The following DIP2C variants were observed in gnomAD, a reference collection of about 807,000 sequenced individuals.
DIP2C encodes DIP2 acetate--CoA ligase C (putative).
DIP2C carries 33 observed loss-of-function variants against 192.4 expected under a neutral mutation model. The ratio of observed to expected loss-of-function variants is 0.17; its 90% CI spans 0.13 to 0.23. The LOEUF (loss-of-function observed/expected upper bound fraction) is 0.23, where lower values mean the gene tolerates loss of function less well. DIP2C is among the 10% of genes least tolerant of loss of function. The probability of loss-of-function intolerance (pLI) is 1.00; values close to 1 mark genes in which losing one functional copy is unlikely to be tolerated. For missense variants in DIP2C, 1,537 were observed against 2,110.1 expected, an observed-to-expected ratio of 0.73 and a Z score of 5.32; for synonymous variants, 979 against 864.1, an observed-to-expected ratio of 1.13 and a Z score of -2.33.
chr10:581,616 T>C (rs1253094746), intron 1 of DIP2C, among the ~76,000 whole-genome samples: 2 of 152,112 alleles, frequency 1.3e-5, no homozygotes, highest in African/African-American at 2.4e-5. Flanking sequence ...ATGGGTTCCA[T>C]TACCCTCTGA....
In DIP2C at chr10:374,675, A is replaced by C. The variant is rs895568729; in HGVS notation, c.1992-5042T>G. Among the ~76,000 whole-genome samples, 6 of 152,300 alleles carry C rather than the reference A, an allele frequency of 3.9e-5. No homozygotes were observed. The East Asian group carries it at 1.2e-3, about 29-fold the overall frequency. On this transcript the variant is annotated intron_variant, in intron 17 of 36. Coordinates refer to ENST00000280886, the MANE Select transcript of DIP2C (RefSeq NM_014974.3). Reference sequence around the variant, plus strand: ...TTCCCAATTTGTTCAGTAAAACACCATTTGTTGGTCCAATTTGTGTTCCCT... The same window carrying C: ...TTCCCAATTTGTTCAGTAAAACACCCTTTGTTGGTCCAATTTGTGTTCCCT...
intron 1 of DIP2C, among the ~76,000 whole-genome samples, chr10:613,046 C>G (rs751909728): frequency 1.2e-4 from 19 of 152,176 alleles, no homozygotes; most frequent in Non-Finnish European, 1.9e-4. Flanking sequence ...ATCCCACACC[C>G]AGGAAGAGGT....
chr10:583,480 T>C (rs1850792254), intron 1 of DIP2C, among the ~76,000 whole-genome samples: 1 of 152,242 alleles, frequency 6.6e-6, no homozygotes, highest in Non-Finnish European at 1.5e-5. Context: ...TAGTGAACTT[T>C]CAATGTTCAG....
At chr10:581,915 GGAC>G (rs1444712906) in intron 1 of DIP2C, among the ~76,000 whole-genome samples, 6 of 152,076 alleles carry the variant, frequency 3.9e-5, no homozygotes, top group African/African-American at 1.2e-4. Flanking sequence ...GGGTTTACGT[GGAC>G]GACAATTTTT....
intron 1 of DIP2C, among the ~76,000 whole-genome samples, chr10:544,812 ATTC>A (rs1370190136): frequency 6.6e-6 from 1 of 152,228 alleles, no homozygotes; most frequent in Non-Finnish European, 1.5e-5. Context: ...TTTTAAAGAT[ATTC>A]TTGATATCAG....
rs118107879 is a variant in DIP2C, at chr10:641,287, C to T, written c.85+48207G>A. Among the ~76,000 whole-genome samples the T allele has an allele frequency of 2.6e-3, 398 of 152,264 alleles. 1 individual carries two copies. The highest frequency in any genetic ancestry group is 6.7e-3 in the African/African-American group (280 of 41,560). Reference sequence around the variant, plus strand: ...TGGGCAGTTTTGGGGCCAGCACGGACGCCAGCCATGCATCCAGGCAGGTCT... The same window carrying T: ...TGGGCAGTTTTGGGGCCAGCACGGATGCCAGCCATGCATCCAGGCAGGTCT... On this transcript the variant is annotated intron_variant, in intron 1 of 36. Coordinates refer to ENST00000280886, the MANE Select transcript of DIP2C (RefSeq NM_014974.3).
chr10:351,160 C>T (rs1958789404), intron 24 of DIP2C, among the ~76,000 whole-genome samples: 1 of 152,140 alleles, frequency 6.6e-6, no homozygotes, highest in Non-Finnish European at 1.5e-5. Context: ...TGCGGGTAGC[C>T]GAGTTAGTGC....
chr10:289,862 C>G (rs538342023), intron 32 of DIP2C, among the ~76,000 whole-genome samples: 1 of 152,338 alleles, frequency 6.6e-6, no homozygotes, highest in African/African-American at 2.4e-5. Flanking sequence ...ACGTCCTCCA[C>G]GTGCCAGACA....
intron 1 of DIP2C, among the ~76,000 whole-genome samples, chr10:574,213 C>G (rs1425376150): frequency 6.6e-6 from 1 of 152,180 alleles, no homozygotes; most frequent in Non-Finnish European, 1.5e-5. Context: ...TATATACAAA[C>G]ATCTATAACT....
At chr10:634,987 G>A (rs780067387) in intron 1 of DIP2C, among the ~76,000 whole-genome samples, 7 of 152,086 alleles carry the variant, frequency 4.6e-5, no homozygotes, top group Non-Finnish European at 8.8e-5. Context: ...CAAGATTTAC[G>A]CAGACGTCAG....
rs1246466757 is a variant in DIP2C, at chr10:390,279, G to A, written c.1479C>T (p.Asp493=). Residue 493 remains aspartate, a synonymous_variant, in exon 12 of 37, where the codon GAC becomes GAT. Transcript: ENST00000280886. ...GCTGACTCACCTCAATATACGCAGT[G>A]TCGTTATTGGCATCTTTAATGTGTG... is the stretch of plus-strand genomic sequence containing the variant. The part of the protein sequence containing the change: ...WFPHIKDANN[D]TAYIEYKTCK... 5 of 1,613,874 alleles carry A rather than the reference G, an allele frequency of 3.1e-6. No homozygotes were observed. The African/African-American group carries it at 4.0e-5, about 13-fold the overall frequency.
intron 1 of DIP2C, 45 bp from the exon 2 acceptor site, chr10:486,575 GAGCATT>G (rs916385498): frequency 1.1e-5 from 17 of 1,515,224 alleles, no homozygotes; most frequent in Non-Finnish European, 1.5e-5. Context: ...TCCGTGGATA[GAGCATT>G]ATCATTCAAC....
At chr10:451,090 G>C (rs1238515112) in intron 3 of DIP2C, among the ~76,000 whole-genome samples, 1 of 152,176 alleles carries the variant, frequency 6.6e-6, no homozygotes, top group Non-Finnish European at 1.5e-5. Context: ...CCCAGCCCCT[G>C]CCTGTGGGCG....
chr10:664,720 A>G (rs1856981063), intron 1 of DIP2C: 1 of 152,214 alleles, frequency 6.6e-6, no homozygotes, highest in South Asian at 2.1e-4. Context: ...GTATATTCTG[A>G]AATATTTTTG....
rs190279009 is a variant in DIP2C at position 592,706 on chromosome 10, C to G, written c.85+96788G>C. Among the ~76,000 whole-genome samples the G allele has an allele frequency of 2.2e-3, 336 of 152,216 alleles. 8 individuals are homozygous for G. Among genetic ancestry groups the G allele is most frequent in the African/African-American group, 7.2e-3 (299 of 41,480 alleles). ...ATTTTTAATTCTTTGTAAATTATAA[C>G]TATTACTATGAAAATTCTAAAAATG... On this transcript the variant is annotated intron_variant, in intron 1 of 36. Transcript: ENST00000280886.
chr10:474,452 A>G (rs1243134536), intron 2 of DIP2C, among the ~76,000 whole-genome samples: 4 of 152,194 alleles, frequency 2.6e-5, no homozygotes, highest in African/African-American at 7.2e-5. Context: ...ACGATCAAAC[A>G]CTGACAACCT....
intron 1 of DIP2C, among the ~76,000 whole-genome samples, chr10:575,201 T>C (rs1423049784): frequency 3.3e-5 from 5 of 152,216 alleles, no homozygotes; most frequent in African/African-American, 1.2e-4. Context: ...ATCTGAAACA[T>C]GGAATTATTA....
At chr10:365,165 T>C in intron 19 of DIP2C, 1 of 387,424 alleles carries the variant, frequency 2.6e-6, no homozygotes, top group Non-Finnish European at 5.2e-6. Context: ...AGGGATATTT[T>C]AGAAAGTTGA....
At chr10:629,424 G>A (rs956262206) in intron 1 of DIP2C, among the ~76,000 whole-genome samples, 2 of 152,210 alleles carry the variant, frequency 1.3e-5, no homozygotes, top group African/African-American at 2.4e-5. Context: ...GGAATGGGAA[G>A]TAGATACCCC....
Sources: gnomAD v4.1 joint callset for allele counts (sites outside exome capture counted in the v4.1 genomes callset) on GRCh38, gnomAD v4.1.1 for gene constraint, MANE v1.5 for transcripts, NCBI Gene and HGNC (gene_info 2026-07-23, HGNC 2026-07-21) for gene names.